The following FNDC3A variants were observed in gnomAD, a reference collection of about 807,000 sequenced individuals.
FNDC3A encodes the protein fibronectin type-III domain-containing protein 3A.
FNDC3A carries 32 observed loss-of-function variants against 148.9 expected under a neutral mutation model. The ratio of observed to expected loss-of-function variants is 0.21; its 90% CI spans 0.16 to 0.29. The LOEUF (loss-of-function observed/expected upper bound fraction) is 0.29, where lower values mean the gene tolerates loss of function less well. FNDC3A is among the 10% of genes least tolerant of loss of function. FNDC3A has a pLI of 1.00. For synonymous variants in FNDC3A, 472 were observed against 473.6 expected (o/e 1.00, Z 0.04); for missense variants, 1,191 against 1,452.8 (o/e 0.82, Z 2.93).
chr13:49,201,829 A>G lies in FNDC3A; in HGVS notation c.3017A>G (p.His1006Arg), dbSNP rs1886432117. The G allele has an allele frequency of 6.4e-7, 1 of 1,564,360 alleles. No individual in the cohort carries two copies. Among genetic ancestry groups the G allele is most frequent in the East Asian group, 2.3e-5 (1 of 42,744 alleles). ...GTATCCCTATACAGAGGACCATGTC[A>G]TACATACAAAGTACAAAGACTTAAT... Reference protein sequence around the residue: ...RFVSLYRGPCHTYKVQRLNES... With the variant: ...RFVSLYRGPCRTYKVQRLNES... Residue 1006 changes from histidine to arginine, a missense_variant, in exon 24 of 26, where the codon CAT becomes CGT. This residue lies in a region of FNDC3A where 751 missense variants were observed against 944.0 expected (regional missense o/e 0.80). Transcript: ENST00000492622.
intron 3 of FNDC3A, among the ~76,000 whole-genome samples, chr13:49,090,687 C>G (rs1377707034): frequency 3.3e-5 from 5 of 150,984 alleles, no homozygotes; most frequent in Admixed American, 6.6e-5. Flanking sequence ...GGGAGCCATG[C>G]ATTAAAGATT....
intron 3 of FNDC3A, among the ~76,000 whole-genome samples, chr13:49,081,067 T>C (rs1878436645): frequency 6.6e-6 from 1 of 152,220 alleles, no homozygotes; most frequent in Non-Finnish European, 1.5e-5. Flanking sequence ...TGAGCATTTA[T>C]ATGTGTCAAA....
intron 3 of FNDC3A, among the ~76,000 whole-genome samples, chr13:49,111,721 G>A (rs1377635089): frequency 5.2e-5 from 7 of 135,222 alleles, no homozygotes; most frequent in Non-Finnish European, 7.8e-5. Flanking sequence ...GTAAAACTCC[G>A]TCTCAAAAAA....
At chr13:49,030,684 A>G (rs1469861125) in intron 2 of FNDC3A, among the ~76,000 whole-genome samples, 1 of 152,262 alleles carries the variant, frequency 6.6e-6, no homozygotes, top group African/African-American at 2.4e-5. Flanking sequence ...TAGGTTCAAT[A>G]TAGAACAATA....
rs1274267635 is a variant in FNDC3A, at chr13:49,207,062, T to C, written c.3283-19T>C. On this transcript the variant is annotated intron_variant, in intron 25 of 25. Transcript: ENST00000492622. ...CCAGCCTTCACACGTAATTCTTCCT[T>C]CTAATATTTTATTAACAGATTTACA... 1.9e-6 allele frequency: 3 copies of C among 1,575,696 alleles called. No individual in the cohort carries two copies. Among genetic ancestry groups the C allele is most frequent in the Non-Finnish European group, 2.6e-6 (3 of 1,148,354 alleles).
At chr13:49,191,541 T>C (rs1321825855) in intron 19 of FNDC3A, among the ~76,000 whole-genome samples, 157 bp downstream of exon 19, 2 of 152,236 alleles carry the variant, frequency 1.3e-5, no homozygotes, top group Admixed American at 1.3e-4. Context: ...ACAAGAGAAG[T>C]CGGTATATTC....
intron 2 of FNDC3A, among the ~76,000 whole-genome samples, chr13:49,073,711 A>G (rs894325230): frequency 4.1e-5 from 6 of 145,038 alleles, no homozygotes; most frequent in Admixed American, 1.4e-4. Context: ...TATAATATAT[A>G]TGTGTATATA....
intron 2 of FNDC3A, among the ~76,000 whole-genome samples, chr13:49,050,672 A>G (rs182334605): frequency 1.8e-4 from 27 of 152,268 alleles, no homozygotes; most frequent in Admixed American, 1.8e-3. Context: ...GTTGTAGGGT[A>G]TAATTTAAGT....
chr13:48,999,419 A>G (rs1952084274), intron 1 of FNDC3A, among the ~76,000 whole-genome samples: 1 of 152,124 alleles, frequency 6.6e-6, no homozygotes, highest in South Asian at 2.1e-4. Flanking sequence ...TACATAACAT[A>G]TCTGGTTTCA....
At chr13:49,183,612 G>T (rs936186343) in intron 14 of FNDC3A, among the ~76,000 whole-genome samples, 16 of 152,168 alleles carry the variant, frequency 1.1e-4, no homozygotes, top group Non-Finnish European at 2.4e-4. Context: ...TTTTTAGGAG[G>T]ACTCTTCTGG....
intron 8 of FNDC3A, among the ~76,000 whole-genome samples, chr13:49,152,801 G>C (rs1414005378): frequency 6.6e-6 from 1 of 151,352 alleles, no homozygotes; most frequent in Non-Finnish European, 1.5e-5. Flanking sequence ...AGTTTACTGA[G>C]AATGATGATT....
intron 3 of FNDC3A, chr13:49,110,474 T>C (rs1593602535): frequency 9.4e-7 from 1 of 1,059,760 alleles, no homozygotes; most frequent in Non-Finnish European, 1.5e-6. Flanking sequence ...TAATCTAAAG[T>C]CATGCCGTGT....
rs1399482350 is a variant in FNDC3A, at chr13:49,208,036, G to T, written c.*641G>T. The T allele has an allele frequency of 3.9e-5, 6 of 152,474 alleles. No homozygotes were observed. 9.4% of individuals were successfully genotyped at this position (152,474 alleles called of 1,614,324 possible). ...TTCACAGATAAGTACTTAAAGAACAGACAGTTTACTTGGCCTAAAAATATT... is the reference window on the plus strand; with the variant it reads ...TTCACAGATAAGTACTTAAAGAACATACAGTTTACTTGGCCTAAAAATATT... On this transcript the variant is annotated 3_prime_UTR_variant, in exon 26 of 26. Transcript: ENST00000492622.
rs546875434 is a variant in FNDC3A, at chr13:49,151,624, G to A, written c.977+5689G>A. On this transcript the variant is annotated intron_variant, in intron 8 of 25. Transcript: ENST00000492622. ...AAGTTATAGGGTACATGTGCATACC[G>A]TACAGGTTTGTTACATAGGTATACA... Among the ~76,000 whole-genome samples the A allele has an allele frequency of 4.1e-4, 62 of 151,924 alleles. 1 individual carries two copies. Among genetic ancestry groups the A allele is most frequent in the South Asian group, 1.7e-3 (8 of 4,796 alleles).
At chr13:49,082,030 T>G (rs1464284589) in intron 3 of FNDC3A, among the ~76,000 whole-genome samples, 1 of 151,786 alleles carries the variant, frequency 6.6e-6, no homozygotes, top group Non-Finnish European at 1.5e-5. Flanking sequence ...GTCAGAAAGT[T>G]GCTAACGTTA....
intron 4 of FNDC3A, among the ~76,000 whole-genome samples, chr13:49,122,477 T>C (rs572152871): frequency 6.6e-6 from 1 of 152,238 alleles, no homozygotes; most frequent in South Asian, 2.1e-4. Flanking sequence ...CTACTCAACA[T>C]AGTATTGGGA....
chr13:49,033,927 A>C (rs959118517), intron 2 of FNDC3A, among the ~76,000 whole-genome samples: 1 of 152,032 alleles, frequency 6.6e-6, no homozygotes, highest in African/African-American at 2.4e-5. Context: ...TTTTGAAAAA[A>C]TACTGTGATT....
At position 49,030,625 on chromosome 13, in the gene FNDC3A, C is replaced by T. The variant is rs78026405; in HGVS notation, c.99+24336C>T. Among the ~76,000 whole-genome samples, 392 of 152,216 alleles carry T rather than the reference C, an allele frequency of 2.6e-3. 10 individuals are homozygous for T. In the East Asian group the frequency reaches 0.041, roughly 16 times the overall value. ...TAAAAAGAAAATCTTAAAGAATCCA[C>T]TGAAAAACTATTGGAACTAATAAAC... On this transcript the variant is annotated intron_variant, in intron 2 of 25. Transcript: ENST00000492622.
intron 2 of FNDC3A, among the ~76,000 whole-genome samples, chr13:49,027,925 A>T (rs572541600): frequency 3.3e-5 from 5 of 152,272 alleles, no homozygotes; most frequent in African/African-American, 1.2e-4. Flanking sequence ...GACCAAATGG[A>T]TAAAAATTCA....
Sources: gnomAD v4.1 joint callset for allele counts (sites outside exome capture counted in the v4.1 genomes callset) on GRCh38, gnomAD v4.1.1 for gene constraint, gnomAD v4.1.1 regional missense constraint, MANE v1.5 for transcripts, NCBI Gene and HGNC (gene_info 2026-07-23, HGNC 2026-07-21) for gene names.